Variants in NLRP14 observed in about 807,000 individuals in gnomAD.
NLRP14 encodes the protein NACHT, LRR and PYD domains-containing protein 14.
In NLRP14, 105 loss-of-function variants were observed where a neutral mutation model predicts 94.7. The observed-to-expected ratio is 1.11, with a 90% CI of 0.95 to 1.30. NLRP14 has a LOEUF of 1.30. Ranked by LOEUF, NLRP14 falls within the 50% of genes most tolerant of loss-of-function variation. NLRP14 has a pLI of 0.00. For missense variants in NLRP14, 1,362 were observed against 1,254.1 expected (o/e 1.09, Z -1.30); for synonymous variants, 508 against 459.9 (o/e 1.10, Z -1.34).
chr11:7,090,008 G>C, the NLRP14 span: 1 of 1,612,974 alleles, frequency 6.2e-7, no homozygotes, highest in East Asian at 2.2e-5. Flanking sequence ...CCCCAGGACG[G>C]GGGACACCGC....
chr11:7,052,325 G>A (rs1252196859), intron 6 of NLRP14, among the ~76,000 whole-genome samples: 2 of 152,076 alleles, frequency 1.3e-5, no homozygotes, highest in Non-Finnish European at 2.9e-5. Flanking sequence ...TATTTCAGAA[G>A]GGGGGCAACT....
rs200903176 is a variant in NLRP14 at position 7,043,998 on chromosome 11, G to A, written c.1958+14G>A. On this transcript the variant is annotated intron_variant, in intron 4 of 11. Coordinates refer to ENST00000299481, the MANE Select transcript of NLRP14 (RefSeq NM_176822.4). ...AACTAACACTTGGTAAGTGTGTTAGGGCCATTCCCTGGAAGTGCCCTGTAA... is the reference window on the plus strand; with the variant it reads ...AACTAACACTTGGTAAGTGTGTTAGAGCCATTCCCTGGAAGTGCCCTGTAA... 4.3e-5 allele frequency: 69 copies of A among 1,612,736 alleles called. No individual in the cohort carries two copies. The highest frequency in any genetic ancestry group is 5.8e-5 in the Non-Finnish European group (68 of 1,178,956).
At chr11:7,081,653 A>G in the NLRP14 span, among the ~76,000 whole-genome samples, 1 of 152,252 alleles carries the variant, frequency 6.6e-6, no homozygotes, top group Non-Finnish European at 1.5e-5. Context: ...TATAAAGGAT[A>G]GGAAGGAACA....
chr11:7,031,099 G>A (rs774478913), intron 1 of NLRP14, among the ~76,000 whole-genome samples: 6 of 152,214 alleles, frequency 3.9e-5, no homozygotes, highest in East Asian at 1.9e-4. Flanking sequence ...GGAAGGTGAG[G>A]CATTAAGGGC....
rs373865085 is a variant in NLRP14 at position 7,043,644 on chromosome 11, C to T, written c.1618C>T (p.Arg540Ter). 27 of 1,613,994 alleles carry T rather than the reference C, an allele frequency of 1.7e-5. No individual in the cohort carries two copies. The highest frequency in any genetic ancestry group is 1.7e-4 in the Middle Eastern group (1 of 6,060). The change falls in exon 4 of 12, where the codon CGA becomes TGA. Residue 540 changes from arginine to a stop codon, truncating the protein, a stop_gained. Coordinates refer to ENST00000299481, the MANE Select transcript of NLRP14 (RefSeq NM_176822.4). LOFTEE classifies it high-confidence loss of function. ...CFLFGLLNED[R>*]VKQLERTFNC... ...TTTGTTTGGCCTTTTGAATGAAGAT[C>T]GAGTAAAACAACTGGAGAGGACTTT...
At chr11:7,030,844 C>T (rs1852081400) in intron 1 of NLRP14, among the ~76,000 whole-genome samples, 1 of 152,190 alleles carries the variant, frequency 6.6e-6, no homozygotes, top group Admixed American at 6.5e-5. Flanking sequence ...TTTCCCACAT[C>T]GGGAAAGCAA....
chr11:7,067,876 TTTC>T (rs1852729479), intron 10 of NLRP14, among the ~76,000 whole-genome samples: 1 of 152,166 alleles, frequency 6.6e-6, no homozygotes. Flanking sequence ...ATTGGAATTA[TTTC>T]TTCTTTGAAC....
intron 6 of NLRP14, among the ~76,000 whole-genome samples, chr11:7,050,149 A>G (rs980626572): frequency 1.3e-5 from 2 of 152,224 alleles, no homozygotes; most frequent in Non-Finnish European, 2.9e-5. Context: ...AAGTGCTGCA[A>G]TAGATTCGTT....
At chr11:7,089,602 C>T in the NLRP14 span, 9 of 1,195,552 alleles carry the variant, frequency 7.5e-6, no homozygotes, top group East Asian at 2.0e-4. Flanking sequence ...GGCCCACCCC[C>T]CAAGAGGGCC....
At chr11:7,053,684 G>A (rs372398961) in intron 6 of NLRP14, among the ~76,000 whole-genome samples, 2 of 151,534 alleles carry the variant, frequency 1.3e-5, no homozygotes, top group African/African-American at 4.9e-5. Context: ...TACATAGTAG[G>A]TGTGTATACT....
intron 1 of NLRP14, among the ~76,000 whole-genome samples, chr11:7,029,154 C>T (rs181391969): frequency 6.6e-6 from 1 of 152,142 alleles, no homozygotes; most frequent in Admixed American, 6.5e-5. Context: ...AAGGAAGTCT[C>T]TCAAACTCTT....
In NLRP14 at chr11:7,043,957, T is replaced by G; in HGVS notation, c.1931T>G (p.Leu644Ter). 6.2e-7 allele frequency: 1 copy of G among 1,614,176 alleles called. No individual in the cohort carries two copies. Among genetic ancestry groups the G allele is most frequent in the South Asian group, 1.1e-5 (1 of 91,080 alleles). Residue 644 changes from leucine to a stop codon, truncating the protein, a stop_gained, in exon 4 of 12, where the codon TTA becomes TGA. Transcript: ENST00000299481. LOFTEE classifies it high-confidence loss of function. ...ACTGTGGTATTTGAGAAGAAGATATTAAAAACAAGCCTCCCAACTAACACT... is the reference window on the plus strand; with the variant it reads ...ACTGTGGTATTTGAGAAGAAGATATGAAAAACAAGCCTCCCAACTAACACT... Reference protein sequence around the residue: ...SVTVVFEKKILKTSLPTNTWD... With the variant: ...SVTVVFEKKI
At chr11:7,088,523 T>C in the NLRP14 span, among the ~76,000 whole-genome samples, 1 of 151,910 alleles carries the variant, frequency 6.6e-6, no homozygotes, top group Non-Finnish European at 1.5e-5. Context: ...ATCCAATAAA[T>C]GTAGAAAGAA....
downstream of NLRP14, among the ~76,000 whole-genome samples, chr11:7,072,095 AT>A (rs370896713): frequency 4.4e-4 from 67 of 152,352 alleles, no homozygotes; most frequent in African/African-American, 1.5e-3. Flanking sequence ...GTAACAAACT[AT>A]CCCAAAACTT....
At chr11:7,045,797 C>A (rs1852339147) in intron 4 of NLRP14, among the ~76,000 whole-genome samples, 1 of 151,658 alleles carries the variant, frequency 6.6e-6, no homozygotes, top group Non-Finnish European at 1.5e-5. Context: ...ACTAGGAACA[C>A]TTATAGCATG....
At chr11:7,084,958 C>A in the NLRP14 span, among the ~76,000 whole-genome samples, 131 of 152,266 alleles carry the variant, frequency 8.6e-4, no homozygotes, top group African/African-American at 3.2e-3. Context: ...ATAGGACACC[C>A]AGTTGGTGTC....
intron 1 of NLRP14, among the ~76,000 whole-genome samples, chr11:7,037,933 T>C (rs1409655625): frequency 1.3e-5 from 2 of 152,146 alleles, no homozygotes; most frequent in Non-Finnish European, 2.9e-5. Flanking sequence ...AACTGTGGTG[T>C]TGGGGAAAGT....
intron 9 of NLRP14, among the ~76,000 whole-genome samples, chr11:7,061,093 A>T (rs1852613234): frequency 6.6e-6 from 1 of 152,058 alleles, no homozygotes; most frequent in Non-Finnish European, 1.5e-5. Context: ...CTATAAAGTC[A>T]AGCTCTTTGG....
At chr11:7,067,011 T>C (rs1183867135) in intron 10 of NLRP14, among the ~76,000 whole-genome samples, 1 of 152,156 alleles carries the variant, frequency 6.6e-6, no homozygotes, top group Non-Finnish European at 1.5e-5. Flanking sequence ...CAAGTGGTTG[T>C]AGGTGTGTGG....
Sources: allele counts gnomAD v4.1 joint callset (sites outside exome capture counted in the v4.1 genomes callset), GRCh38; gene constraint gnomAD v4.1.1; transcripts MANE v1.5; gene names NCBI Gene and HGNC (gene_info 2026-07-23, HGNC 2026-07-21).